DCC: variants seen among roughly 807,000 people sequenced by gnomAD.
DCC encodes DCC netrin 1 receptor.
Under a neutral mutation model 172.5 loss-of-function variants are expected in DCC, and 58 were observed. That is an observed-to-expected ratio of 0.34 (90% confidence interval 0.27 to 0.42). DCC has a LOEUF of 0.42. DCC is among the 10% of genes least tolerant of loss of function. DCC has a pLI of 1.00. For missense variants in DCC, 1,740 were observed against 1,791.0 expected (o/e 0.97, Z 0.51); for synonymous variants, 709 against 644.5 (o/e 1.10, Z -1.52).
chr18:52,708,105 C>A (rs1459009682), intron 1 of DCC, among the ~76,000 whole-genome samples: 2 of 151,988 alleles, frequency 1.3e-5, no homozygotes, highest in African/African-American at 4.8e-5. Flanking sequence ...ATGTTGTATG[C>A]CATAAACATA....
At position 53,116,614 on chromosome 18, in the gene DCC, T is replaced by C. The variant is rs575053382; in HGVS notation, c.1262-40742T>C. Among the ~76,000 whole-genome samples, 12 of 151,864 alleles carry C rather than the reference T, an allele frequency of 7.9e-5. 1 individual carries two copies. In the South Asian group the frequency reaches 2.5e-3, roughly 31 times the overall value. ...TTGCAGCTATTCATTATTGCATCTT[T>C]CAAATAAACATGAAAGTACTCTTGG... On this transcript the variant is annotated intron_variant, in intron 7 of 28. Transcript: ENST00000442544.
At chr18:53,034,326 C>T (rs2042064265) in intron 5 of DCC, among the ~76,000 whole-genome samples, 1 of 152,028 alleles carries the variant, frequency 6.6e-6, no homozygotes, top group African/African-American at 2.4e-5. Flanking sequence ...TTCACAGCCT[C>T]CTTATGTCAT....
intron 1 of DCC, among the ~76,000 whole-genome samples, chr18:52,379,680 C>A (rs1985503250): frequency 6.6e-6 from 1 of 151,308 alleles, no homozygotes; most frequent in Non-Finnish European, 1.5e-5. Flanking sequence ...AGCACTTAAC[C>A]AAAAGTTGAG....
chr18:53,057,758 C>T (rs1043895946), intron 5 of DCC, among the ~76,000 whole-genome samples: 5 of 151,906 alleles, frequency 3.3e-5, no homozygotes, highest in African/African-American at 1.2e-4. Flanking sequence ...AAATTGCTGC[C>T]AACCAAAAAG....
chr18:53,005,563 T>C (rs1163264690), intron 5 of DCC, among the ~76,000 whole-genome samples: 2 of 152,152 alleles, frequency 1.3e-5, no homozygotes, highest in African/African-American at 2.4e-5. Context: ...CGAAACCCCA[T>C]CTCTACTGAA....
chr18:52,693,195 T>G (rs1435293272), intron 1 of DCC, among the ~76,000 whole-genome samples: 1 of 151,588 alleles, frequency 6.6e-6, no homozygotes, highest in African/African-American at 2.4e-5. Context: ...CTTTTATCAG[T>G]TTAATATATA....
intron 7 of DCC, among the ~76,000 whole-genome samples, chr18:53,134,264 A>C (rs1314583656): frequency 6.6e-6 from 1 of 152,180 alleles, no homozygotes; most frequent in Non-Finnish European, 1.5e-5. Flanking sequence ...CAGGACATGC[A>C]CTTAATTATA....
At chr18:53,509,145 C>T (rs1413248971) in intron 27 of DCC, among the ~76,000 whole-genome samples, 17 of 152,138 alleles carry the variant, frequency 1.1e-4, no homozygotes, top group Admixed American at 1.1e-3. Flanking sequence ...CAACTCTCTG[C>T]AAAGAGAATC....
chr18:52,444,388 G>GA (rs1988059943), intron 1 of DCC, among the ~76,000 whole-genome samples: 2 of 152,258 alleles, frequency 1.3e-5, no homozygotes, highest in Middle Eastern at 3.4e-3. Flanking sequence ...AAAATCAGCT[G>GA]AATTTATTTT....
At chr18:53,261,341 G>A in intron 12 of DCC, among the ~76,000 whole-genome samples, 1 of 152,134 alleles carries the variant, frequency 6.6e-6, no homozygotes, top group Non-Finnish European at 1.5e-5. Context: ...AGCCATCTTG[G>A]CTCCACACCC....
intron 2 of DCC, among the ~76,000 whole-genome samples, chr18:52,798,866 C>T (rs1367651624): frequency 1.3e-5 from 2 of 151,978 alleles, no homozygotes; most frequent in African/African-American, 4.8e-5. Flanking sequence ...AATTCTCCTG[C>T]CTCAGCCTCC....
At chr18:53,044,018 A>C (rs913413940) in intron 5 of DCC, among the ~76,000 whole-genome samples, 15 of 151,920 alleles carry the variant, frequency 9.9e-5, no homozygotes, top group African/African-American at 3.6e-4. Context: ...TGACAGCTTC[A>C]AATATGTTTC....
chr18:53,404,402 G>GA lies in DCC; in HGVS notation c.2935+1522dup, dbSNP rs771526090. On this transcript the variant is annotated intron_variant, in intron 19 of 28. Transcript: ENST00000442544. ...AGAAAGCTTAATTTTGCTTCTTCAG[G>GA]AAAAAAAAAAAAATAGAAGTCTAGC... Among the ~76,000 whole-genome samples, 784 of 84,932 alleles carry GA rather than the reference G, an allele frequency of 9.2e-3. 2 individuals carry two copies. Among genetic ancestry groups the GA allele is most frequent in the Middle Eastern group, 0.013 (2 of 156 alleles). 55.7% of individuals were successfully genotyped at this position (84,932 alleles called of 152,430 possible).
intron 14 of DCC, among the ~76,000 whole-genome samples, chr18:53,330,395 A>C (rs1238707047): frequency 6.6e-6 from 1 of 152,010 alleles, no homozygotes; most frequent in Non-Finnish European, 1.5e-5. Context: ...TGTAATTTCT[A>C]CCTTCAGAAT....
At chr18:53,178,740 A>G (rs960342306) in intron 8 of DCC, among the ~76,000 whole-genome samples, 3 of 152,192 alleles carry the variant, frequency 2.0e-5, no homozygotes, top group Admixed American at 2.0e-4. Context: ...GGAAAATGAC[A>G]TAATCTTAAA....
intron 5 of DCC, among the ~76,000 whole-genome samples, chr18:52,996,719 C>A (rs939924483): frequency 6.6e-6 from 1 of 151,280 alleles, no homozygotes; most frequent in Non-Finnish European, 1.5e-5. Context: ...TTCACCCCAC[C>A]TTGCCACACA....
intron 7 of DCC, among the ~76,000 whole-genome samples, chr18:53,141,609 A>G (rs866770068): frequency 2.6e-5 from 4 of 152,186 alleles, no homozygotes; most frequent in South Asian, 2.1e-4. Flanking sequence ...AGATTTTGGA[A>G]ACACTATTTC....
intron 1 of DCC, among the ~76,000 whole-genome samples, chr18:52,736,422 G>T (rs6508152): frequency 0.56 from 84,813 of 151,210 alleles, 24,321 homozygotes; most frequent in African/African-American, 0.68. Flanking sequence ...TTGTGCAAGA[G>T]AATGGATCTT....
intron 1 of DCC, among the ~76,000 whole-genome samples, chr18:52,459,336 C>A (rs1355163577): frequency 6.6e-6 from 1 of 152,044 alleles, no homozygotes; most frequent in Non-Finnish European, 1.5e-5. Context: ...TTTTTCTGAT[C>A]CTCTTCCTCC....
Sources: gnomAD v4.1 joint callset for allele counts (sites outside exome capture counted in the v4.1 genomes callset) on GRCh38, gnomAD v4.1.1 for gene constraint, MANE v1.5 for transcripts, NCBI Gene and HGNC (gene_info 2026-07-23, HGNC 2026-07-21) for gene names.